Variants in KAZN observed in about 807,000 individuals in gnomAD.
The protein encoded by KAZN is kazrin.
Under a neutral mutation model 87.4 loss-of-function variants are expected in KAZN, and 40 were observed. That is an observed-to-expected ratio of 0.46 (90% CI 0.36 to 0.60). The LOEUF (loss-of-function observed/expected upper bound fraction) is 0.60. Among genes scored for constraint, KAZN ranks in the 20% least tolerant of loss-of-function variants. KAZN has a pLI of 0.00. For synonymous variants in KAZN, 466 were observed against 458.3 expected, an observed-to-expected ratio of 1.02 and a Z score of -0.22; for missense variants, 898 against 1,073.9, an observed-to-expected ratio of 0.84 and a Z score of 2.29.
chr1:14,272,727 G>A (rs1044062005), intron 2 of KAZN, among the ~76,000 whole-genome samples: 5 of 151,972 alleles, frequency 3.3e-5, no homozygotes, highest in Admixed American at 6.6e-5. Context: ...GCATGGTGGC[G>A]GGTGCCTGTA....
intron 2 of KAZN, among the ~76,000 whole-genome samples, chr1:14,480,612 T>C: frequency 1.4e-5 from 2 of 138,458 alleles, no homozygotes; most frequent in Middle Eastern, 7.5e-3. Flanking sequence ...TTTTATATAA[T>C]GTATAAAAAT....
At chr1:14,461,327 T>C (rs1667838357) in intron 2 of KAZN, among the ~76,000 whole-genome samples, 1 of 152,088 alleles carries the variant, frequency 6.6e-6, no homozygotes, top group African/African-American at 2.4e-5. Flanking sequence ...GATTGAATCA[T>C]GGGGGGCAGT....
At chr1:14,490,176 T>C (rs762415378) in intron 2 of KAZN, among the ~76,000 whole-genome samples, 1 of 152,234 alleles carries the variant, frequency 6.6e-6, no homozygotes, top group Non-Finnish European at 1.5e-5. Context: ...TTGGCCTCTG[T>C]GATTTGTCTG....
At chr1:15,065,556 G>A in intron 7 of KAZN, 74 bp from the exon 8 acceptor site, 1 of 1,306,986 alleles carries the variant, frequency 7.7e-7, no homozygotes, top group South Asian at 1.4e-5. Context: ...CCCATCCACT[G>A]CAGTCTGCAC....
intron 2 of KAZN, among the ~76,000 whole-genome samples, chr1:14,414,344 G>GAAA (rs5772578): frequency 1.9e-5 from 2 of 107,834 alleles, no homozygotes; most frequent in African/African-American, 7.4e-5. Flanking sequence ...TTTGTCATAG[G>GAAA]AAAAAAAAAA....
chr1:14,305,634 G>A (rs1450596246), intron 2 of KAZN, among the ~76,000 whole-genome samples: 1 of 151,898 alleles, frequency 6.6e-6, no homozygotes, highest in African/African-American at 2.4e-5. Flanking sequence ...TCTGGGGAAT[G>A]ACATAAGGGA....
intron 1 of KAZN, among the ~76,000 whole-genome samples, chr1:14,823,758 C>A (rs912996817): frequency 6.6e-6 from 1 of 152,130 alleles, no homozygotes; most frequent in Non-Finnish European, 1.5e-5. Flanking sequence ...GGAGCAGGGC[C>A]TAGTTCTTGG....
intron 1 of KAZN, among the ~76,000 whole-genome samples, chr1:13,987,533 G>A (rs1282174670): frequency 1.3e-5 from 2 of 152,092 alleles, no homozygotes; most frequent in Non-Finnish European, 1.5e-5. Context: ...CCACAGACTG[G>A]GTAATTTATA....
At chr1:14,745,331 A>T (rs1192729664) in intron 1 of KAZN, among the ~76,000 whole-genome samples, 1 of 152,106 alleles carries the variant, frequency 6.6e-6, no homozygotes, top group Non-Finnish European at 1.5e-5. Flanking sequence ...CTGTTTTTAA[A>T]TGGTACGCAG....
In KAZN at chr1:15,116,606, T is replaced by C. The variant is rs1046185324; in HGVS notation, c.*1971T>C. On this transcript the variant is annotated 3_prime_UTR_variant, in exon 15 of 15. Transcript: ENST00000376030. ...CAGCTCAGAAAGGAGAGGTGAGACC[T>C]CCCTCCAACCTGGTGCCACAGGTCT... 1.6e-4 allele frequency: 25 copies of C among 152,130 alleles called. No homozygotes were observed. Among genetic ancestry groups the C allele is most frequent in the African/African-American group, 5.6e-4 (23 of 41,394 alleles). The allele number at this position is 152,130 out of a possible 1,614,324, so 9.4% of individuals were successfully genotyped here. A position where few individuals can be genotyped will look rare whatever the true frequency, so the allele number is the denominator to read the frequency against.
At chr1:14,086,063 T>C (rs1454986283) in intron 1 of KAZN, among the ~76,000 whole-genome samples, 1 of 152,256 alleles carries the variant, frequency 6.6e-6, no homozygotes, top group Non-Finnish European at 1.5e-5. Context: ...TGGTGAGATG[T>C]CTGTTCAAAT....
At chr1:15,007,437 T>A (rs917859419) in intron 2 of KAZN, among the ~76,000 whole-genome samples, 9 of 152,236 alleles carry the variant, frequency 5.9e-5, no homozygotes, top group African/African-American at 1.7e-4. Context: ...GGTCCCCAGT[T>A]TGGCACACTG....
chr1:15,048,730 ATGGGTCGTCGATCC>A lies in KAZN; in HGVS notation c.726+4608_726+4621del, dbSNP rs1296160724. ...GGTCGTTGGTCCTGGGTCGTTGGTC[ATGGGTCGTCGATCC>A]TGGGTCGTCGATCCTGGGTCGTCGA... On this transcript the variant is annotated intron_variant, in intron 4 of 14. Coordinates refer to ENST00000376030, the MANE Select transcript of KAZN (RefSeq NM_201628.3). Among the ~76,000 whole-genome samples the A allele has an allele frequency of 4.4e-4, 43 of 98,844 alleles. 1 individual carries two copies. The highest frequency in any genetic ancestry group is 6.7e-4 in the Non-Finnish European group (30 of 44,538). The allele number at this position is 98,844 out of a possible 152,430, so 64.8% of individuals were successfully genotyped here.
At chr1:14,554,027 G>T (rs897902179) in intron 2 of KAZN, among the ~76,000 whole-genome samples, 1 of 152,142 alleles carries the variant, frequency 6.6e-6, no homozygotes, top group African/African-American at 2.4e-5. Flanking sequence ...AGAGTAATTA[G>T]GAACAAGGCT....
intron 1 of KAZN, among the ~76,000 whole-genome samples, chr1:14,845,641 C>T (rs545610482): frequency 3.5e-4 from 53 of 152,166 alleles, no homozygotes; most frequent in Non-Finnish European, 6.6e-4. Context: ...CCTTGATGAG[C>T]TGGATTGTAG....
chr1:13,972,920 A>G (rs1371534518), intron 1 of KAZN, among the ~76,000 whole-genome samples: 3 of 152,266 alleles, frequency 2.0e-5, no homozygotes, highest in Non-Finnish European at 4.4e-5. Context: ...GAATCTGGAT[A>G]TAAGGACCCT....
intron 1 of KAZN, among the ~76,000 whole-genome samples, chr1:14,150,746 C>T (rs1316944475): frequency 6.6e-6 from 1 of 152,188 alleles, no homozygotes; most frequent in Non-Finnish European, 1.5e-5. Context: ...CTTTTGACCT[C>T]ACTTGGAGAT....
intron 4 of KAZN, among the ~76,000 whole-genome samples, chr1:15,048,771 C>G (rs928133225): frequency 6.9e-6 from 1 of 145,036 alleles, no homozygotes; most frequent in Non-Finnish European, 1.5e-5. Context: ...GGTCGTCGAT[C>G]CTGGGTCGTT....
At chr1:14,173,610 G>A (rs536772642) in intron 1 of KAZN, among the ~76,000 whole-genome samples, 46 of 152,258 alleles carry the variant, frequency 3.0e-4, no homozygotes, top group Middle Eastern at 3.4e-3. Flanking sequence ...AGCTGGGAGT[G>A]GTAAATTGTT....
Sources: gnomAD v4.1 joint callset for allele counts (sites outside exome capture counted in the v4.1 genomes callset) on GRCh38, gnomAD v4.1.1 for gene constraint, MANE v1.5 for transcripts, NCBI Gene and HGNC (gene_info 2026-07-23, HGNC 2026-07-21) for gene names.